TMEM191B: variants seen among roughly 807,000 people sequenced by gnomAD.
TMEM191B encodes the protein transmembrane protein 191B.
TMEM191B carries 8 observed loss-of-function variants against 26.6 expected under a neutral mutation model. The ratio of observed to expected loss-of-function variants is 0.30; its 90% CI spans 0.18 to 0.54. The LOEUF is 0.54. Among genes scored for constraint, TMEM191B ranks in the 20% least tolerant of loss-of-function variants. TMEM191B has a pLI of 0.94. For synonymous variants in TMEM191B, 29 were observed against 113.7 expected (o/e 0.26, Z 4.74); for missense variants, 64 against 241.2 (o/e 0.27, Z 4.87).
Position 18,528,688 on chromosome 22 carries a change from GA to G in TMEM191B, c.420+8del, listed in dbSNP as rs2123841686. 6.9e-7 allele frequency: 1 copy of G among 1,439,186 alleles called. No homozygotes were observed. Among genetic ancestry groups the G allele is most frequent in the South Asian group, 1.3e-5 (1 of 74,644 alleles). The allele number at this position is 1,439,186 out of a possible 1,614,324, so 89.2% of individuals were successfully genotyped here. On this transcript the variant is annotated splice_region_variant and intron_variant, in intron 2 of 8. Transcript: ENST00000612978. ...AGCGCCACAAGGAGGACTTGGTGAG[GA>G]AGAGTCCTAGAATGGGGCTGGACCC... is the stretch of plus-strand genomic sequence containing the variant.
chr22:18,528,319 GGTCGGT>G lies in TMEM191B; in HGVS notation c.296+44_296+49del, dbSNP rs540004555. On this transcript the variant is annotated intron_variant, in intron 1 of 8. Coordinates refer to ENST00000612978, the MANE Select transcript of TMEM191B (RefSeq NM_001242313.1). ...CTCTTCTACCTGGCGGGCGCGCGAG[GGTCGGT>G]CCCGCAGGCAGCGCCGCGAGGTGCT... The G allele has an allele frequency of 4.3e-4, 327 of 763,736 alleles. 3 individuals are homozygous for G. In the African/African-American group the frequency reaches 7.8e-3, roughly 18 times the overall value. 47.3% of individuals were successfully genotyped at this position (763,736 alleles called of 1,614,324 possible). A position where few individuals can be genotyped will look rare whatever the true frequency, so the allele number is the denominator to read the frequency against.
chr22:18,528,713 C>G, intron 2 of TMEM191B, 31 bp downstream of exon 2: 1 of 949,660 alleles, frequency 1.1e-6, no homozygotes, highest in Non-Finnish European at 1.4e-6. Context: ...GGGGCTGGAC[C>G]CAGGGTGGGG....
intron 7 of TMEM191B, 56 bp downstream of exon 7, chr22:18,530,064 T>TCC: frequency 7.2e-7 from 1 of 1,386,396 alleles, no homozygotes; most frequent in Non-Finnish European, 9.3e-7. Flanking sequence ...ACCCTCCCCG[T>TCC]CCCCCCCGCG....
At chr22:18,529,118 T>C in intron 4 of TMEM191B, 25 bp downstream of exon 4, 4 of 979,058 alleles carry the variant, frequency 4.1e-6, no homozygotes. Flanking sequence ...CCCTGAGGTC[T>C]TTAGTAGGGG....
intron 3 of TMEM191B, 66 bp from the exon 4 acceptor site, chr22:18,528,953 T>A (rs1226375725): frequency 1.7e-6 from 1 of 575,448 alleles, no homozygotes; most frequent in African/African-American, 3.3e-5. Flanking sequence ...TCCCCGTCCC[T>A]GTCTCCCCTG....
rs777822119 is a variant in TMEM191B at position 18,528,582 on chromosome 22, C to T, written c.320C>T (p.Ala107Val). 2.8e-6 allele frequency: 4 copies of T among 1,432,426 alleles called. No individual in the cohort carries two copies. The highest frequency in any genetic ancestry group is 2.5e-5 in the Admixed American group (1 of 39,458). 88.7% of individuals were successfully genotyped at this position (1,432,426 alleles called of 1,614,324 possible). A position where few individuals can be genotyped will look rare whatever the true frequency, so the allele number is the denominator to read the frequency against. The change falls in exon 2 of 9, where the codon GCA becomes GTA. Residue 107 changes from alanine to valine, a missense_variant. By Grantham distance (64) the Ala-to-Val change is moderately conservative (BLOSUM62 0). Coordinates refer to ENST00000612978, the MANE Select transcript of TMEM191B (RefSeq NM_001242313.1). ...ERSLLRRRSQ[A>V]AQPLQGEARE... ...AGCCTGCTGCGGAGGCGAAGCCAGG[C>T]AGCGCAGCCTCTGCAAGGGGAGGCG...
Position 18,528,056 on chromosome 22 carries a change from G to A in TMEM191B, c.76G>A (p.Val26Met). The A allele has an allele frequency of 7.9e-6, 3 of 378,870 alleles. No individual in the cohort carries two copies. The highest frequency in any genetic ancestry group is 1.2e-5 in the Non-Finnish European group (3 of 243,592). 23.5% of individuals were successfully genotyped at this position (378,870 alleles called of 1,614,324 possible). Residue 26 changes from valine (V) to methionine (M), a missense_variant, in exon 1 of 9, where the codon GTG (valine) becomes ATG (methionine). Val to Met is a conservative substitution (Grantham distance 21, BLOSUM62 1). Coordinates refer to ENST00000612978, the MANE Select transcript of TMEM191B (RefSeq NM_001242313.1). ...CGCTAGGCGCTCCCTGCCGCCCATT[G>A]TGACGCCTGCCAGCCGCAGGCTGGG... The part of the protein sequence containing the change: ...QPARRSLPPI[V>M]TPASRRLGPR...
chr22:18,528,296 C>T lies in TMEM191B; in HGVS notation c.296+20C>T. The stretch of plus-strand genomic sequence containing the variant: ...GCGGAGGTGCGCGGGGAACGCCGCT[C>T]TTCTACCTGGCGGGCGCGCGAGGGT... On this transcript the variant is annotated intron_variant, in intron 1 of 8. Coordinates refer to ENST00000612978, the MANE Select transcript of TMEM191B (RefSeq NM_001242313.1). 5.2e-6 allele frequency: 3 copies of T among 581,118 alleles called. 1 individual carries two copies. The South Asian group carries it at 8.0e-5, about 16-fold the overall frequency. The allele number at this position is 581,118 out of a possible 1,614,324, so 36.0% of individuals were successfully genotyped here. A position where few individuals can be genotyped will look rare whatever the true frequency, so the allele number is the denominator to read the frequency against.
Position 18,529,023 on chromosome 22 carries a change from T to TCTA in TMEM191B, c.478_480dup (p.Tyr160dup), listed in dbSNP as rs61384159. On this transcript the variant is annotated inframe_insertion, in exon 4 of 9. Transcript: ENST00000612978. ...CCTTACAAGCCCCGCCCCTAGCTCT[T>TCTA]CTACGGAGGGGAACCGCAGAGCCAG... The TCTA allele has an allele frequency of 0.54, 177,583 of 329,894 alleles. 84,992 individuals carry two copies. Among genetic ancestry groups the TCTA allele is most frequent in the East Asian group, 1 (13,401 of 13,444 alleles). 20.4% of individuals were successfully genotyped at this position (329,894 alleles called of 1,614,324 possible).
chr22:18,528,660 C>T lies in TMEM191B; in HGVS notation c.398C>T (p.Ala133Val), dbSNP rs1049586401. ...AERVRRRLEE[A>V]ERHKEDLEQH... ...CGGGTGCGCAGAAGACTGGAGGAGG[C>T]GGAGCGCCACAAGGAGGACTTGGTG... The change falls in exon 2 of 9, where the codon GCG becomes GTG. Residue 133 changes from alanine (A) to valine (V), a missense_variant. Physicochemically the swap from Ala to Val is moderately conservative, Grantham distance 64 (BLOSUM62 0). Around this residue, in one of 5 missense-constraint regions of TMEM191B, gnomAD observed 16 missense variants for 18.1 expected, o/e 0.88. Transcript: ENST00000612978. 1.5e-5 allele frequency: 23 copies of T among 1,484,990 alleles called. No homozygotes were observed. The highest frequency in any genetic ancestry group is 1.6e-5 in the African/African-American group (1 of 64,154). 92.0% of individuals were successfully genotyped at this position (1,484,990 alleles called of 1,614,324 possible). A position where few individuals can be genotyped will look rare whatever the true frequency, so the allele number is the denominator to read the frequency against.
At position 18,529,935 on chromosome 22, in the gene TMEM191B, G is replaced by A; in HGVS notation, c.723-1G>A. On this transcript the variant is annotated splice_acceptor_variant, in intron 6 of 8. Coordinates refer to ENST00000612978, the MANE Select transcript of TMEM191B (RefSeq NM_001242313.1). LOFTEE classifies it high-confidence loss of function. ...TCCCACCTGCATGCCTGTCCCCGCA[G>A]GTGTGACGGGCAGCTTCGCGGAGTG... 1 of 1,425,608 alleles carries A rather than the reference G, an allele frequency of 7.0e-7. No individual in the cohort carries two copies. Among genetic ancestry groups the A allele is most frequent in the Non-Finnish European group, 9.1e-7 (1 of 1,098,766 alleles). 88.3% of individuals were successfully genotyped at this position (1,425,608 alleles called of 1,614,324 possible).
At position 18,529,022 on chromosome 22, in the gene TMEM191B, T is replaced by C; in HGVS notation, c.475T>C (p.Phe159Leu). ...CCCTTACAAGCCCCGCCCCTAGCTC[T>C]TCTACGGAGGGGAACCGCAGAGCCA... is the stretch of plus-strand genomic sequence containing the variant. ...EQWEELSSQL[F>L]YGGEPQSQKS... Residue 159 changes from phenylalanine to leucine, a missense_variant, in exon 4 of 9, where the codon TTC (phenylalanine) becomes CTC (leucine). Phe to Leu is a conservative substitution (Grantham distance 22). Transcript: ENST00000612978. The C allele has an allele frequency of 3.3e-6, 1 of 307,398 alleles. No individual in the cohort carries two copies. Among genetic ancestry groups the C allele is most frequent in the South Asian group, 4.2e-5 (1 of 23,910 alleles). 19.0% of individuals were successfully genotyped at this position (307,398 alleles called of 1,614,324 possible).
At position 18,528,597 on chromosome 22, in the gene TMEM191B, A is replaced by C. The variant is rs1293235133; in HGVS notation, c.335A>C (p.Gln112Pro). The change falls in exon 2 of 9, where the codon CAA becomes CCA. Residue 112 changes from glutamine (Q) to proline (P), a missense_variant. Physicochemically the swap from Gln to Pro is moderately conservative, Grantham distance 76. This residue lies in a region of TMEM191B where 16 missense variants were observed against 50.5 expected (regional missense o/e 0.32). Transcript: ENST00000612978. The stretch of plus-strand genomic sequence containing the variant: ...CGAAGCCAGGCAGCGCAGCCTCTGC[A>C]AGGGGAGGCGCGCGAGGCGGCGCGG... ...RRRSQAAQPLQGEAREAARER... is the reference protein window; with the variant it reads ...RRRSQAAQPLPGEAREAARER... The C allele has an allele frequency of 7.2e-7, 1 of 1,395,034 alleles. No homozygotes were observed. 86.4% of individuals were successfully genotyped at this position (1,395,034 alleles called of 1,614,324 possible).
Position 18,529,968 on chromosome 22 carries a change from G to C in TMEM191B, c.755G>C (p.Ser252Thr). 6.8e-7 allele frequency: 1 copy of C among 1,478,612 alleles called. No individual in the cohort carries two copies. The highest frequency in any genetic ancestry group is 8.9e-7 in the Non-Finnish European group (1 of 1,126,030). 91.6% of individuals were successfully genotyped at this position (1,478,612 alleles called of 1,614,324 possible). A position where few individuals can be genotyped will look rare whatever the true frequency, so the allele number is the denominator to read the frequency against. Residue 252 changes from serine to threonine, a missense_variant, in exon 7 of 9, where the codon AGC (serine) becomes ACC (threonine). Coordinates refer to ENST00000612978, the MANE Select transcript of TMEM191B (RefSeq NM_001242313.1). Reference sequence around the variant, plus strand: ...GGGCAGCTTCGCGGAGTGCAGTACAGCACCGAGTCGCTCATGGAGGAGATG... The same window carrying C: ...GGGCAGCTTCGCGGAGTGCAGTACACCACCGAGTCGCTCATGGAGGAGATG... ...CDGQLRGVQY[S>T]TESLMEEMAR... is the part of the protein sequence containing the mutation.
rs1477966548 is a variant in TMEM191B at position 18,528,854 on chromosome 22, A to C, written c.458A>C (p.Glu153Ala). ...AGGCAGCTGCAGGAGCAGTGGGAGG[A>C]GCTGTCGAGTCAGGTACGTGCAGGA... is the stretch of plus-strand genomic sequence containing the variant. ...HSRQLQEQWE[E>A]LSSQLFYGGE... Residue 153 changes from glutamate (E) to alanine (A), a missense_variant, in exon 3 of 9, where the codon GAG (glutamate) becomes GCG (alanine). Transcript: ENST00000612978. 1.0e-6 allele frequency: 1 copy of C among 991,682 alleles called. No homozygotes were observed. The highest frequency in any genetic ancestry group is 3.0e-5 in the East Asian group (1 of 33,462). 61.4% of individuals were successfully genotyped at this position (991,682 alleles called of 1,614,324 possible).
rs1359258494 is a variant in TMEM191B, at chr22:18,530,323, T to C, written c.905T>C (p.Leu302Pro). The change falls in exon 9 of 9, where the codon CTC becomes CCC. Residue 302 changes from leucine to proline, a missense_variant. This residue lies in a region of TMEM191B where 26 missense variants were observed against 127.1 expected (regional missense o/e 0.20). Transcript: ENST00000612978. ...LPLLFLGLSL[L>P]WTVLLDPGAV... Reference sequence around the variant, plus strand: ...CTCCTCTTCCTGGGGCTGTCGCTGCTCTGGACGGTGCTGTTGGACCCCGGC... The same window carrying C: ...CTCCTCTTCCTGGGGCTGTCGCTGCCCTGGACGGTGCTGTTGGACCCCGGC... The C allele has an allele frequency of 3.2e-6, 2 of 620,420 alleles. No individual in the cohort carries two copies. The highest frequency in any genetic ancestry group is 5.0e-5 in the East Asian group (1 of 19,984). The allele number at this position is 620,420 out of a possible 1,614,324, so 38.4% of individuals were successfully genotyped here. A position where few individuals can be genotyped will look rare whatever the true frequency, so the allele number is the denominator to read the frequency against.
In TMEM191B at chr22:18,529,477, C is replaced by T; in HGVS notation, c.583C>T (p.Gln195Ter). 1.9e-6 allele frequency: 1 copy of T among 534,076 alleles called. No individual in the cohort carries two copies. The highest frequency in any genetic ancestry group is 3.0e-6 in the Non-Finnish European group (1 of 331,654). The allele number at this position is 534,076 out of a possible 1,614,324, so 33.1% of individuals were successfully genotyped here. The change falls in exon 5 of 9, where the codon CAG (glutamine) becomes TAG (stop). Residue 195 changes from glutamine to a stop codon, truncating the protein, a stop_gained. Coordinates refer to ENST00000612978, the MANE Select transcript of TMEM191B (RefSeq NM_001242313.1). LOFTEE classifies it high-confidence loss of function. ...GCTGGCGGAGACCAAATGCGCCTTG[C>T]AGGAGGAGAAGCTGCAGCAGGTGAG... is the stretch of plus-strand genomic sequence containing the variant. ...LELAETKCAL[Q>*]EEKLQQDALQ...
Position 18,528,666 on chromosome 22 carries a change from G to A in TMEM191B, c.404G>A (p.Arg135His), listed in dbSNP as rs1463439089. The change falls in exon 2 of 9, where the codon CGC becomes CAC. Residue 135 changes from arginine (R) to histidine (H), a missense_variant. Physicochemically the swap from Arg to His is conservative, Grantham distance 29. This residue lies in a region of TMEM191B where 16 missense variants were observed against 18.1 expected (regional missense o/e 0.88). Coordinates refer to ENST00000612978, the MANE Select transcript of TMEM191B (RefSeq NM_001242313.1). Reference protein sequence around the residue: ...RVRRRLEEAERHKEDLEQHSR... With the variant: ...RVRRRLEEAEHHKEDLEQHSR... ...CGCAGAAGACTGGAGGAGGCGGAGC[G>A]CCACAAGGAGGACTTGGTGAGGAAG... 1.1e-5 allele frequency: 16 copies of A among 1,488,756 alleles called. No individual in the cohort carries two copies. The highest frequency in any genetic ancestry group is 2.3e-5 in the Admixed American group (1 of 44,266). 92.2% of individuals were successfully genotyped at this position (1,488,756 alleles called of 1,614,324 possible). A position where few individuals can be genotyped will look rare whatever the true frequency, so the allele number is the denominator to read the frequency against.
At chr22:18,529,195 T>TG (rs1171585885) in intron 4 of TMEM191B, 102 bp downstream of exon 4, 3 of 994,574 alleles carry the variant, frequency 3.0e-6, no homozygotes, top group African/African-American at 3.9e-5. Flanking sequence ...CCTGAAGGCG[T>TG]GGGCGGGGCG....
Sources: allele counts gnomAD v4.1 joint callset, GRCh38; gene constraint gnomAD v4.1.1; regional missense constraint gnomAD v4.1.1; transcripts MANE v1.5; gene names NCBI Gene and HGNC (gene_info 2026-07-23, HGNC 2026-07-21).